Variants in EXOC6 observed in about 807,000 individuals in gnomAD.
EXOC6 encodes the protein exocyst complex component 6, also known as SEC15-like 1.
In EXOC6, 60 loss-of-function variants were observed where a neutral mutation model predicts 112.5. That is an observed-to-expected ratio of 0.53 (90% CI 0.43 to 0.66). The LOEUF (loss-of-function observed/expected upper bound fraction) is 0.66, where lower values mean the gene tolerates loss of function less well. Among genes scored for constraint, EXOC6 ranks in the 30% least tolerant of loss-of-function variants. EXOC6 has a pLI of 0.00. For synonymous variants in EXOC6, 295 were observed against 308.0 expected (o/e 0.96, Z 0.44); for missense variants, 855 against 957.1 (o/e 0.89, Z 1.41).
chr10:92,829,235 A>G (rs1846433450), intron 1 of EXOC6, among the ~76,000 whole-genome samples: 1 of 152,172 alleles, frequency 6.6e-6, no homozygotes, highest in African/African-American at 2.4e-5. Context: ...TTCTTCATGC[A>G]CTATGTAAAC....
At chr10:92,927,997 C>T (rs1473804884) in intron 8 of EXOC6, among the ~76,000 whole-genome samples, 2 of 152,284 alleles carry the variant, frequency 1.3e-5, no homozygotes, top group East Asian at 3.9e-4. Flanking sequence ...GTATAACATG[C>T]TCAGAAGTTT....
At chr10:92,865,426 C>T (rs149790772) in intron 1 of EXOC6, among the ~76,000 whole-genome samples, 118 of 152,116 alleles carry the variant, frequency 7.8e-4, no homozygotes, top group African/African-American at 2.8e-3. Context: ...ATCCCAGCTG[C>T]TTAGGAGGCT....
intron 20 of EXOC6, among the ~76,000 whole-genome samples, chr10:93,043,508 A>T (rs1041002613): frequency 3.9e-5 from 6 of 152,216 alleles, no homozygotes; most frequent in African/African-American, 1.4e-4. Flanking sequence ...GCACTGGGCC[A>T]GGCACTGTTT....
chr10:93,059,147 G>T lies in EXOC6; in HGVS notation c.*792G>T, dbSNP rs1846670015. 1 of 151,694 alleles carries T rather than the reference G, an allele frequency of 6.6e-6. No homozygotes were observed. Among genetic ancestry groups the T allele is most frequent in the Non-Finnish European group, 1.5e-5 (1 of 68,044 alleles). The allele number at this position is 151,694 out of a possible 1,614,324, so 9.4% of individuals were successfully genotyped here. On this transcript the variant is annotated 3_prime_UTR_variant, in exon 22 of 22. Coordinates refer to ENST00000260762, the MANE Select transcript of EXOC6 (RefSeq NM_019053.6). ...AGGTGCAGCTTGTGCGAGGGTAGAT[G>T]GTTCCTGCACACAGAAGTTACCACA...
upstream of EXOC6, among the ~76,000 whole-genome samples, chr10:92,833,253 C>G (rs1846550181): frequency 6.6e-6 from 1 of 152,202 alleles, no homozygotes; most frequent in Admixed American, 6.5e-5. Context: ...TTTGAATAGG[C>G]AGTTCTGTTT....
intron 20 of EXOC6, among the ~76,000 whole-genome samples, chr10:93,028,273 G>A (rs1158948652): frequency 1.3e-5 from 2 of 151,986 alleles, no homozygotes; most frequent in Non-Finnish European, 2.9e-5. Context: ...CTCCAGCCTG[G>A]GCAACAGAGC....
chr10:93,001,453 T>C (rs535578942), intron 19 of EXOC6, among the ~76,000 whole-genome samples: 3 of 152,306 alleles, frequency 2.0e-5, no homozygotes, highest in Admixed American at 6.5e-5. Flanking sequence ...CCACTTTCTC[T>C]CTAAATTTCT....
At chr10:92,948,475 A>G in intron 14 of EXOC6, 96 bp downstream of exon 14, 1 of 749,064 alleles carries the variant, frequency 1.3e-6, no homozygotes, top group Admixed American at 3.5e-5. Context: ...ACTGTAAATA[A>G]CAGTGGTTTC....
intron 20 of EXOC6, among the ~76,000 whole-genome samples, chr10:93,030,325 C>A (rs1450181707): frequency 6.6e-6 from 1 of 152,170 alleles, no homozygotes; most frequent in East Asian, 1.9e-4. Context: ...CTCGACCTCC[C>A]AAAGTGCTAG....
intron 6 of EXOC6, among the ~76,000 whole-genome samples, chr10:92,913,973 A>G (rs185944736): frequency 9.8e-5 from 15 of 152,328 alleles, no homozygotes; most frequent in African/African-American, 3.6e-4. Flanking sequence ...TATATTGGGT[A>G]AGTTAACATT....
At chr10:92,833,765 G>A (rs1317909843), upstream of EXOC6, among the ~76,000 whole-genome samples, 1 of 152,178 alleles carries the variant, frequency 6.6e-6, no homozygotes, top group Non-Finnish European at 1.5e-5. Context: ...CTTGTATTAA[G>A]CAAGAAAGCT....
chr10:92,935,435 A>G (rs61862316), intron 11 of EXOC6, among the ~76,000 whole-genome samples: 1,717 of 152,258 alleles, frequency 0.011, 19 homozygotes, highest in Non-Finnish European at 0.017. Context: ...AATTACTAAG[A>G]AAATAATGAA....
At chr10:92,844,760 C>T (rs975993077), upstream of EXOC6, among the ~76,000 whole-genome samples, 1 of 152,168 alleles carries the variant, frequency 6.6e-6, no homozygotes, top group Non-Finnish European at 1.5e-5. Flanking sequence ...ATATTATCTT[C>T]TTTAATCCTC....
At chr10:92,888,524 G>T (rs1472193161) in intron 1 of EXOC6, among the ~76,000 whole-genome samples, 1 of 152,142 alleles carries the variant, frequency 6.6e-6, no homozygotes. Context: ...ATCCACAAAA[G>T]CAGTCAAATC....
rs559279234 is a variant in EXOC6, at chr10:93,001,664, T to G, written c.2095+4049T>G. 7.9e-5 allele frequency among the ~76,000 whole-genome samples: 12 copies of G among 152,310 alleles called. No homozygotes were observed. In the South Asian group the frequency reaches 2.5e-3, roughly 32 times the overall value. ...GGCACATAGCTTATCAAATAAAACA[T>G]TAGCTGGATTTAGCTCTCTCCTTCC... On this transcript the variant is annotated intron_variant, in intron 19 of 21. Coordinates refer to ENST00000260762, the MANE Select transcript of EXOC6 (RefSeq NM_019053.6).
rs547644961 is a variant in EXOC6 at position 92,896,585 on chromosome 10, G to T, written c.412+1565G>T. Among the ~76,000 whole-genome samples the T allele has an allele frequency of 5.7e-3, 852 of 150,752 alleles. 8 individuals carry two copies. The highest frequency in any genetic ancestry group is 0.012 in the African/African-American group (502 of 40,950). On this transcript the variant is annotated intron_variant, in intron 4 of 21. Coordinates refer to ENST00000260762, the MANE Select transcript of EXOC6 (RefSeq NM_019053.6). The stretch of plus-strand genomic sequence containing the variant: ...GATTTTATTGGCTAAAAAAATTGTA[G>T]TATTATTATTATTATTATTTGAGAC...
At chr10:92,834,910 TA>T (rs1214466882) in intron 1 of EXOC6, 1 of 726,180 alleles carries the variant, frequency 1.4e-6, no homozygotes, top group Non-Finnish European at 2.3e-6. Context: ...TTTATAAGAG[TA>T]AAAAATATTC....
intron 20 of EXOC6, among the ~76,000 whole-genome samples, chr10:93,030,275 T>C (rs1463095821): frequency 6.6e-6 from 1 of 151,490 alleles, no homozygotes; most frequent in Non-Finnish European, 1.5e-5. Flanking sequence ...ACTCCTGAGC[T>C]CAAGCAGTCT....
At chr10:92,881,229 C>T (rs949717361) in intron 1 of EXOC6, among the ~76,000 whole-genome samples, 3 of 152,106 alleles carry the variant, frequency 2.0e-5, no homozygotes, top group African/African-American at 7.2e-5. Flanking sequence ...TGGCTTTCTC[C>T]AGACTAAGTG....
Sources: allele counts gnomAD v4.1 joint callset (sites outside exome capture counted in the v4.1 genomes callset), GRCh38; gene constraint gnomAD v4.1.1; transcripts MANE v1.5; gene names NCBI Gene and HGNC (gene_info 2026-07-23, HGNC 2026-07-21).